Variants in EHD1 observed in about 807,000 individuals in gnomAD.
EHD1 encodes EH domain-containing protein 1.
In EHD1, 19 loss-of-function variants were observed where a neutral mutation model predicts 39.0. The ratio of observed to expected loss-of-function variants is 0.49; its 90% CI spans 0.34 to 0.72. EHD1 has a LOEUF of 0.72. Ranked by LOEUF, EHD1 falls within the 30% of genes least tolerant of loss-of-function variation. The probability of loss-of-function intolerance (pLI) is 0.01; values close to 1 mark genes in which losing one functional copy is unlikely to be tolerated. For synonymous variants in EHD1, 323 were observed against 331.2 expected (o/e 0.98, Z 0.27); for missense variants, 542 against 751.5 (o/e 0.72, Z 3.26).
rs945120577 is a variant in EHD1, at chr11:64,854,606, G to A, written c.1332C>T (p.Asp444=). ...AGAAGATCTCGTCGTAGGTGGGCTT[G>A]TCCTTGCCCACCACCCACTCCACGT... The part of the protein sequence containing the change: ...IDDVEWVVGK[D]KPTYDEIFYT... Residue 444 remains aspartate, a synonymous_variant, in exon 5 of 5, where the codon GAC becomes GAT. Coordinates refer to ENST00000320631, the MANE Select transcript of EHD1 (RefSeq NM_006795.4). The A allele has an allele frequency of 1.9e-6, 3 of 1,613,962 alleles. No homozygotes were observed. In the South Asian group the frequency reaches 3.3e-5, roughly 18 times the overall value.
Position 64,878,515 on chromosome 11 carries a change from G to T in EHD1, c.-51C>A, listed in dbSNP as rs746726211. 10 of 1,537,950 alleles carry T rather than the reference G, an allele frequency of 6.5e-6. No homozygotes were observed. In the Admixed American group the frequency reaches 7.4e-5, roughly 11 times the overall value. ...GCGGGGCAGAGCGGCGGCTGAGAGCGGGGCGAGGGTGCGGAGCCGAGGCGG... is the reference window on the plus strand; with the variant it reads ...GCGGGGCAGAGCGGCGGCTGAGAGCTGGGCGAGGGTGCGGAGCCGAGGCGG... On this transcript the variant is annotated 5_prime_UTR_variant, in exon 1 of 5. Coordinates refer to ENST00000320631, the MANE Select transcript of EHD1 (RefSeq NM_006795.4).
rs765959999 is a variant in EHD1, at chr11:64,878,267, C to T, written c.198G>A (p.Gln66=). The change falls in exon 1 of 5, where the codon CAG becomes CAA. Residue 66 remains glutamine (Q), a synonymous_variant. Transcript: ENST00000320631. ...TGAAGGTGGTCTTGCCCGTGCTGTA[C>T]TGCCCCACGAGGAGCACCATAGGCT... ...DNKPMVLLVG[Q]YSTGKTTFIR... is the part of the protein sequence containing the mutation. The T allele has an allele frequency of 1.2e-6, 2 of 1,614,174 alleles. No homozygotes were observed. Among genetic ancestry groups the T allele is most frequent in the Non-Finnish European group, 8.5e-7 (1 of 1,180,020 alleles).
chr11:64,862,662 C>T (rs1236408905), intron 2 of EHD1, among the ~76,000 whole-genome samples: 1 of 152,082 alleles, frequency 6.6e-6, no homozygotes, highest in African/African-American at 2.4e-5. Flanking sequence ...GTTTTGAATC[C>T]TATATGACAA....
chr11:64,878,587 C>A lies in EHD1; in HGVS notation c.-123G>T, dbSNP rs538426740. ...GGGAGCGACCCACACTGCGCAGGCG[C>A]ACAGCCCAGCCCGTCGAAGCGCCCT... On this transcript the variant is annotated 5_prime_UTR_variant, in exon 1 of 5. Transcript: ENST00000320631. The A allele has an allele frequency of 3.5e-6, 5 of 1,439,998 alleles. No individual in the cohort carries two copies. In the African/African-American group the frequency reaches 7.2e-5, roughly 21 times the overall value. The allele number at this position is 1,439,998 out of a possible 1,614,324, so 89.2% of individuals were successfully genotyped here. A position where few individuals can be genotyped will look rare whatever the true frequency, so the allele number is the denominator to read the frequency against.
chr11:64,871,754 A>T (rs915841914), intron 2 of EHD1, among the ~76,000 whole-genome samples: 1 of 152,124 alleles, frequency 6.6e-6, no homozygotes, highest in Non-Finnish European at 1.5e-5. Context: ...AGGGATGCAG[A>T]GGGGCCACAC....
At chr11:64,872,290 A>G (rs112146687) in intron 2 of EHD1, among the ~76,000 whole-genome samples, 16 of 152,216 alleles carry the variant, frequency 1.1e-4, no homozygotes, top group Admixed American at 3.3e-4. Flanking sequence ...GCGAAACCCC[A>G]TATCTACTAA....
intron 2 of EHD1, among the ~76,000 whole-genome samples, chr11:64,872,168 A>G (rs1943837205): frequency 6.6e-6 from 1 of 152,174 alleles, no homozygotes; most frequent in African/African-American, 2.4e-5. Flanking sequence ...TCGGGAGACT[A>G]AGGTGGAAGG....
At chr11:64,857,193 G>A (rs977576981) in intron 3 of EHD1, among the ~76,000 whole-genome samples, 2 of 152,214 alleles carry the variant, frequency 1.3e-5, no homozygotes, top group African/African-American at 4.8e-5. Flanking sequence ...GGGAGGCCGA[G>A]GCAGGCGGAT....
intron 2 of EHD1, among the ~76,000 whole-genome samples, chr11:64,872,530 T>A (rs1445884871): frequency 6.6e-6 from 1 of 152,062 alleles, no homozygotes; most frequent in Non-Finnish European, 1.5e-5. Context: ...CTTTTGCTTA[T>A]CCGGCATTTA....
chr11:64,878,613 C>G lies in EHD1; in HGVS notation c.-149G>C. 5.6e-6 allele frequency: 8 copies of G among 1,418,644 alleles called. No homozygotes were observed. Among genetic ancestry groups the G allele is most frequent in the Non-Finnish European group, 7.3e-6 (8 of 1,092,634 alleles). 87.9% of individuals were successfully genotyped at this position (1,418,644 alleles called of 1,614,324 possible). ...ACAGCCCAGCCCGTCGAAGCGCCCTCTGCCGAATGCTGCGCACCCCTCGCG... is the reference window on the plus strand; with the variant it reads ...ACAGCCCAGCCCGTCGAAGCGCCCTGTGCCGAATGCTGCGCACCCCTCGCG... On this transcript the variant is annotated 5_prime_UTR_variant, in exon 1 of 5. Transcript: ENST00000320631.
chr11:64,861,650 G>A (rs1943717942), intron 2 of EHD1, among the ~76,000 whole-genome samples: 2 of 152,048 alleles, frequency 1.3e-5, no homozygotes, highest in Non-Finnish European at 1.5e-5. Context: ...ACACAGCCAT[G>A]CTCATTTGTA....
chr11:64,867,847 T>C (rs1943784677), intron 2 of EHD1, among the ~76,000 whole-genome samples: 3 of 152,246 alleles, frequency 2.0e-5, no homozygotes, highest in African/African-American at 2.4e-5. Context: ...ACAGAGTGGC[T>C]CCGGGCAACC....
intron 2 of EHD1, among the ~76,000 whole-genome samples, chr11:64,869,346 G>C (rs779761908): frequency 2.0e-4 from 31 of 152,252 alleles, no homozygotes; most frequent in Non-Finnish European, 4.0e-4. Flanking sequence ...CAGCCAGGTG[G>C]GGCGAGCAGA....
At chr11:64,877,427 C>T (rs1241002608) in intron 1 of EHD1, among the ~76,000 whole-genome samples, 2 of 152,174 alleles carry the variant, frequency 1.3e-5, no homozygotes, top group African/African-American at 4.8e-5. Flanking sequence ...CCTCATCCTG[C>T]TTCCTGAAAC....
At position 64,860,036 on chromosome 11, in the gene EHD1, C is replaced by T. The variant is rs758729682; in HGVS notation, c.803G>A (p.Arg268His). The change falls in exon 3 of 5, where the codon CGC becomes CAC. Residue 268 changes from arginine to histidine, a missense_variant. Physicochemically the swap from Arg to His is conservative, Grantham distance 29. Coordinates refer to ENST00000320631, the MANE Select transcript of EHD1 (RefSeq NM_006795.4). ...CTGCTCCTCGGCCTCAAAGAGCTTG[C>T]GGTTGTCGGGGATGAGGAGCGGGTG... ...WSHPLLIPDN[R>H]KLFEAEEQDL... The T allele has an allele frequency of 5.6e-6, 9 of 1,613,944 alleles. No homozygotes were observed. Among genetic ancestry groups the T allele is most frequent in the Non-Finnish European group, 5.1e-6 (6 of 1,180,020 alleles).
intron 2 of EHD1, among the ~76,000 whole-genome samples, chr11:64,866,722 C>T (rs190456556): frequency 5.3e-5 from 8 of 151,958 alleles, no homozygotes; most frequent in South Asian, 2.1e-4. Flanking sequence ...TCAGATACTA[C>T]GCTTATTACC....
At chr11:64,857,877 A>AC (rs1467736787) in intron 3 of EHD1, among the ~76,000 whole-genome samples, 2 of 151,826 alleles carry the variant, frequency 1.3e-5, no homozygotes, top group African/African-American at 2.4e-5. Context: ...CTACCCTGGT[A>AC]CCCCCTGCAT....
At chr11:64,878,746 CG>C (rs1943920387), upstream of EHD1, 2 of 1,302,586 alleles carry the variant, frequency 1.5e-6, no homozygotes, top group Admixed American at 3.9e-5. Flanking sequence ...CCCGCCCCTC[CG>C]ACTGGTGCCA....
intron 3 of EHD1, chr11:64,855,769 G>A: frequency 2.3e-6 from 1 of 441,426 alleles, no homozygotes; most frequent in Non-Finnish European, 4.1e-6. Context: ...ACGGATCATT[G>A]TGATGATTCA....
Sources: allele counts gnomAD v4.1 joint callset (sites outside exome capture counted in the v4.1 genomes callset), GRCh38; gene constraint gnomAD v4.1.1; transcripts MANE v1.5; gene names NCBI Gene and HGNC (gene_info 2026-07-23, HGNC 2026-07-21).